Variants in PTGIS observed in about 807,000 individuals in gnomAD.
PTGIS encodes prostacyclin synthase.
PTGIS carries 45 observed loss-of-function variants against 50.3 expected under a neutral mutation model. The observed-to-expected ratio is 0.90, with a 90% CI of 0.70 to 1.15. PTGIS has a LOEUF of 1.15. PTGIS is among the 50% of genes most tolerant of loss of function. The pLI is 0.00. For synonymous variants in PTGIS, 260 were observed against 267.7 expected, an observed-to-expected ratio of 0.97 and a Z score of 0.28; for missense variants, 668 against 661.3, an observed-to-expected ratio of 1.01 and a Z score of -0.11.
At chr20:49,509,607 G>C (rs1399431573) in intron 9 of PTGIS, among the ~76,000 whole-genome samples, 1 of 152,160 alleles carries the variant, frequency 6.6e-6, no homozygotes, top group Non-Finnish European at 1.5e-5. Flanking sequence ...GAAACATGAG[G>C]TGAAGACGAA....
intron 4 of PTGIS, among the ~76,000 whole-genome samples, chr20:49,541,909 G>A (rs1351257363): frequency 2.0e-5 from 3 of 152,114 alleles, no homozygotes; most frequent in Non-Finnish European, 2.9e-5. Flanking sequence ...CGGCGCTAGA[G>A]CCACAAAGAA....
At chr20:49,520,499 A>G (rs1489380007) in intron 6 of PTGIS, among the ~76,000 whole-genome samples, 2 of 151,538 alleles carry the variant, frequency 1.3e-5, no homozygotes, top group Admixed American at 6.6e-5. Context: ...ATGCCTGGCT[A>G]ATTTTTGTAT....
intron 5 of PTGIS, among the ~76,000 whole-genome samples, chr20:49,533,924 G>A (rs560124030): frequency 4.5e-4 from 69 of 152,112 alleles, no homozygotes; most frequent in African/African-American, 1.6e-3. Context: ...TCGTGCCACT[G>A]CACTCCAACC....
intron 6 of PTGIS, among the ~76,000 whole-genome samples, chr20:49,521,714 C>T (rs1981655824): frequency 6.6e-6 from 1 of 152,122 alleles, no homozygotes; most frequent in Non-Finnish European, 1.5e-5. Context: ...AGCTGCAAGT[C>T]GATGGGAGAG....
intron 5 of PTGIS, among the ~76,000 whole-genome samples, chr20:49,537,700 A>G (rs917266533): frequency 9.2e-5 from 14 of 152,188 alleles, no homozygotes; most frequent in African/African-American, 3.4e-4. Context: ...GGTTGCAGCG[A>G]GCCGAGATTG....
intron 3 of PTGIS, among the ~76,000 whole-genome samples, chr20:49,544,848 A>G (rs1431593866): frequency 6.6e-6 from 1 of 152,204 alleles, no homozygotes; most frequent in Non-Finnish European, 1.5e-5. Flanking sequence ...TAAGGCACAC[A>G]GCTTGGATAA....
rs188772848 is a variant in PTGIS at position 49,503,932 on chromosome 20, C to G, written c.*3988G>C. On this transcript the variant is annotated 3_prime_UTR_variant, in exon 10 of 10. Transcript: ENST00000244043. ...CATGTTTCCACTTGACAATGTTATA[C>G]GAAAATAGAATCTTTATTAAAATAG... The G allele has an allele frequency of 6.6e-6, 1 of 152,218 alleles. No homozygotes were observed. Among genetic ancestry groups the G allele is most frequent in the Non-Finnish European group, 1.5e-5 (1 of 68,044 alleles). 9.4% of individuals were successfully genotyped at this position (152,218 alleles called of 1,614,324 possible).
chr20:49,537,813 T>C (rs900852380), intron 5 of PTGIS, among the ~76,000 whole-genome samples: 1 of 152,014 alleles, frequency 6.6e-6, no homozygotes, highest in African/African-American at 2.4e-5. Flanking sequence ...GAAATGCACG[T>C]GTGCACTGAA....
In PTGIS at chr20:49,504,446, A is replaced by T. The variant is rs892093000; in HGVS notation, c.*3474T>A. 6.6e-6 allele frequency: 1 copy of T among 152,228 alleles called. No individual in the cohort carries two copies. Among genetic ancestry groups the T allele is most frequent in the Non-Finnish European group, 1.5e-5 (1 of 68,048 alleles). The allele number at this position is 152,228 out of a possible 1,614,324, so 9.4% of individuals were successfully genotyped here. The stretch of plus-strand genomic sequence containing the variant: ...CATGGTGGCTCATGCCTGTAATCCT[A>T]GCACTTTGGGAGGCCCAGGCAGGCA... On this transcript the variant is annotated 3_prime_UTR_variant, in exon 10 of 10. Transcript: ENST00000244043.
intron 1 of PTGIS, among the ~76,000 whole-genome samples, chr20:49,553,816 T>C (rs1982565621): frequency 6.6e-6 from 1 of 152,090 alleles, no homozygotes; most frequent in Admixed American, 6.5e-5. Context: ...AAATTTTTTG[T>C]CCTAAAATAA....
intron 5 of PTGIS, among the ~76,000 whole-genome samples, chr20:49,539,330 C>T (rs1285301199): frequency 2.0e-5 from 3 of 152,236 alleles, no homozygotes; most frequent in African/African-American, 7.2e-5. Context: ...CACAGAGATT[C>T]TCCAGCCCCA....
chr20:49,512,378 T>C (rs1399054181), intron 8 of PTGIS, among the ~76,000 whole-genome samples: 2 of 151,320 alleles, frequency 1.3e-5, no homozygotes, highest in African/African-American at 4.9e-5. Flanking sequence ...AATGAATGGG[T>C]AGATGGGTGG....
Position 49,544,520 on chromosome 20 carries a change from C to A in PTGIS, c.378-72G>T, listed in dbSNP as rs1033289420. 3.2e-6 allele frequency: 5 copies of A among 1,578,420 alleles called. No individual in the cohort carries two copies. In the African/African-American group the frequency reaches 4.0e-5, roughly 13 times the overall value. On this transcript the variant is annotated intron_variant, in intron 3 of 9. Coordinates refer to ENST00000244043, the MANE Select transcript of PTGIS (RefSeq NM_000961.4). ...TACACACCTACAGGCACCTCCCTCC[C>A]CAAACCTAAGGGTCCCAGAGCTCAA...
At chr20:49,564,701 G>T (rs139436650) in intron 1 of PTGIS, among the ~76,000 whole-genome samples, 2 of 152,136 alleles carry the variant, frequency 1.3e-5, no homozygotes, top group Non-Finnish European at 2.9e-5. Flanking sequence ...TAAAGACGGA[G>T]TTGCTCACTC....
chr20:49,518,807 T>C (rs971938803), intron 6 of PTGIS, among the ~76,000 whole-genome samples: 7 of 152,184 alleles, frequency 4.6e-5, no homozygotes, highest in African/African-American at 1.7e-4. Context: ...GTGGTTTTGC[T>C]TTCTACTCCG....
At chr20:49,534,734 A>T (rs749307879) in intron 5 of PTGIS, among the ~76,000 whole-genome samples, 4 of 152,366 alleles carry the variant, frequency 2.6e-5, no homozygotes, top group Non-Finnish European at 5.9e-5. Context: ...ACAACCTTCC[A>T]GCATGGATGG....
At chr20:49,564,306 C>T (rs948701326) in intron 1 of PTGIS, among the ~76,000 whole-genome samples, 14 of 151,978 alleles carry the variant, frequency 9.2e-5, no homozygotes, top group African/African-American at 3.1e-4. Flanking sequence ...GGCTGGAGTG[C>T]AATGGCGCAA....
chr20:49,564,337 C>T (rs1982844073), intron 1 of PTGIS, among the ~76,000 whole-genome samples: 1 of 152,078 alleles, frequency 6.6e-6, no homozygotes, highest in Non-Finnish European at 1.5e-5. Flanking sequence ...CTGCAAGCTC[C>T]GCCTCCTGGG....
intron 4 of PTGIS, among the ~76,000 whole-genome samples, chr20:49,543,911 C>T (rs1322110466): frequency 6.6e-6 from 1 of 152,172 alleles, no homozygotes; most frequent in Non-Finnish European, 1.5e-5. Flanking sequence ...AAGGAACGTT[C>T]GGTTGTGCAG....
Sources: gnomAD v4.1 joint callset for allele counts (sites outside exome capture counted in the v4.1 genomes callset) on GRCh38, gnomAD v4.1.1 for gene constraint, MANE v1.5 for transcripts, NCBI Gene and HGNC (gene_info 2026-07-23, HGNC 2026-07-21) for gene names.